ADARB2: variants seen among roughly 807,000 people sequenced by gnomAD.
ADARB2 encodes adenosine deaminase RNA specific B2 (inactive), also known as inactive double-stranded RNA-specific editase B2.
In ADARB2, 25 loss-of-function variants were observed where a neutral mutation model predicts 62.2. That is an observed-to-expected ratio of 0.40 (90% CI 0.29 to 0.56). The LOEUF is 0.56. Among genes scored for constraint, ADARB2 ranks in the 20% least tolerant of loss-of-function variants. ADARB2 has a pLI of 0.43. For missense variants in ADARB2, 1,071 were observed against 1,077.4 expected (o/e 0.99, Z 0.08); for synonymous variants, 572 against 500.8 (o/e 1.14, Z -1.90).
chr10:1,215,782 G>T (rs1837224589), intron 7 of ADARB2: 1 of 152,216 alleles, frequency 6.6e-6, no homozygotes, highest in Non-Finnish European at 1.5e-5. Flanking sequence ...AACTCATGCT[G>T]TCCCCACACC....
rs111429279 is a variant in ADARB2 at position 1,432,655 on chromosome 10, C to T, written c.101-53495G>A. ...TCCTTTGTCTGGGAACATAACCTTG[C>T]TGTCTGGCTGTGGTACAGATTGCCA... On this transcript the variant is annotated intron_variant, in intron 1 of 9. Transcript: ENST00000381312. 5.7e-3 allele frequency among the ~76,000 whole-genome samples: 866 copies of T among 151,756 alleles called. 7 individuals are homozygous for T. The highest frequency in any genetic ancestry group is 0.024 in the Middle Eastern group (7 of 294).
At chr10:1,329,878 G>C (rs1831912010) in intron 3 of ADARB2, among the ~76,000 whole-genome samples, 1 of 151,040 alleles carries the variant, frequency 6.6e-6, no homozygotes, top group Non-Finnish European at 1.5e-5. Context: ...CTCCGGACCA[G>C]GGGCTGTGAA....
At chr10:1,562,856 G>T (rs1268890276) in intron 1 of ADARB2, among the ~76,000 whole-genome samples, 1 of 152,248 alleles carries the variant, frequency 6.6e-6, no homozygotes, top group Non-Finnish European at 1.5e-5. Flanking sequence ...GGTGACAGTG[G>T]TGTCCCTCAT....
chr10:1,572,815 G>A (rs1040470213), intron 1 of ADARB2, among the ~76,000 whole-genome samples: 6 of 152,190 alleles, frequency 3.9e-5, no homozygotes, highest in Non-Finnish European at 5.9e-5. Flanking sequence ...CTTCCCCTGC[G>A]TGGACATTTG....
At chr10:1,492,062 A>G (rs1831629060) in intron 1 of ADARB2, among the ~76,000 whole-genome samples, 3 of 152,194 alleles carry the variant, frequency 2.0e-5, no homozygotes, top group Non-Finnish European at 4.4e-5. Flanking sequence ...CTCTTCATTG[A>G]GTTTCTGCTT....
intron 1 of ADARB2, among the ~76,000 whole-genome samples, chr10:1,690,220 T>C (rs1476615494): frequency 6.6e-6 from 1 of 152,250 alleles, no homozygotes; most frequent in Non-Finnish European, 1.5e-5. Flanking sequence ...TAGGAGCACA[T>C]GCTCAGCTGA....
At position 1,363,629 on chromosome 10, in the gene ADARB2, G is replaced by A; in HGVS notation, c.476C>T (p.Ala159Val). ...GAACGTGAGCCCGTTCACCTCCACC[G>A]CTACCGCGAAGACCGGGGCATGCAC... ...GPVHAPVFAV[A>V]VEVNGLTFEG... The change falls in exon 3 of 10, where the codon GCG becomes GTG. Residue 159 changes from alanine (A) to valine (V), a missense_variant. Ala to Val is a moderately conservative substitution (Grantham distance 64). Coordinates refer to ENST00000381312, the MANE Select transcript of ADARB2 (RefSeq NM_018702.4). 1 of 1,604,462 alleles carries A rather than the reference G, an allele frequency of 6.2e-7. No individual in the cohort carries two copies. The highest frequency in any genetic ancestry group is 8.5e-7 in the Non-Finnish European group (1 of 1,175,626).
chr10:1,551,666 C>T (rs1256525572), intron 1 of ADARB2, among the ~76,000 whole-genome samples: 2 of 152,200 alleles, frequency 1.3e-5, no homozygotes, highest in Non-Finnish European at 2.9e-5. Flanking sequence ...AGAAATGAAA[C>T]AAGAAAACAG....
In ADARB2 at chr10:1,664,638, C is replaced by T. The variant is rs117521507; in HGVS notation, c.100+72413G>A. On this transcript the variant is annotated intron_variant, in intron 1 of 9. Transcript: ENST00000381312. The stretch of plus-strand genomic sequence containing the variant: ...TGTTCATCATCTCATTTCATCATCT[C>T]GGTCGTCTGGTAGGAGTGCACTAGC... 4.4e-3 allele frequency among the ~76,000 whole-genome samples: 669 copies of T among 152,286 alleles called. 1 individual carries two copies. The highest frequency in any genetic ancestry group is 7.0e-3 in the Non-Finnish European group (475 of 68,028).
chr10:1,406,627 T>C (rs1339720548), intron 1 of ADARB2, among the ~76,000 whole-genome samples: 1 of 152,238 alleles, frequency 6.6e-6, no homozygotes, highest in Admixed American at 6.5e-5. Context: ...CTGTGTTGGC[T>C]AGGGATGTTC....
At chr10:1,437,304 G>A (rs1225764127) in intron 1 of ADARB2, among the ~76,000 whole-genome samples, 1 of 151,770 alleles carries the variant, frequency 6.6e-6, no homozygotes, top group East Asian at 1.9e-4. Flanking sequence ...CCATATGTGT[G>A]TGTGTGTATA....
chr10:1,471,007 C>T (rs12359832), intron 1 of ADARB2, among the ~76,000 whole-genome samples: 73,815 of 151,840 alleles, frequency 0.49, 18,162 homozygotes, highest in Admixed American at 0.57. Context: ...TGCAGTGAGC[C>T]AAGATGGCGC....
intron 1 of ADARB2, among the ~76,000 whole-genome samples, chr10:1,586,012 T>A (rs11250643): frequency 6.6e-6 from 1 of 152,024 alleles, no homozygotes; most frequent in Non-Finnish European, 1.5e-5. Context: ...CCAGCCTGGG[T>A]GACAGAGCGA....
chr10:1,503,629 C>T (rs1053295925), intron 1 of ADARB2, among the ~76,000 whole-genome samples: 1 of 152,114 alleles, frequency 6.6e-6, no homozygotes, highest in Non-Finnish European at 1.5e-5. Flanking sequence ...ATCCACATCT[C>T]ATGTTAAAAT....
At chr10:1,242,084 C>T in intron 5 of ADARB2, 47 bp downstream of exon 5, 1 of 1,535,536 alleles carries the variant, frequency 6.5e-7, no homozygotes, top group East Asian at 2.4e-5. Flanking sequence ...CTGGCAGCCC[C>T]CAGCCGCGGC....
intron 7 of ADARB2, among the ~76,000 whole-genome samples, chr10:1,202,083 A>G (rs956799132): frequency 6.7e-6 from 1 of 148,978 alleles, no homozygotes; most frequent in African/African-American, 2.4e-5. Flanking sequence ...TCAGGGAACA[A>G]TGGGAAGTGT....
At chr10:1,245,673 T>A (rs1830979446) in intron 4 of ADARB2, among the ~76,000 whole-genome samples, 1 of 152,182 alleles carries the variant, frequency 6.6e-6, no homozygotes, top group African/African-American at 2.4e-5. Context: ...GAACTCATCC[T>A]TTTTTATGGC....
intron 1 of ADARB2, among the ~76,000 whole-genome samples, chr10:1,662,590 TAAA>T (rs1311151332): frequency 6.6e-6 from 1 of 152,222 alleles, no homozygotes; most frequent in African/African-American, 2.4e-5. Flanking sequence ...CCACAGCTAT[TAAA>T]AACTAGAGCG....
In ADARB2 at chr10:1,486,210, C is replaced by CTGTGTGTGTG. The variant is rs61283089; in HGVS notation, c.101-107060_101-107051dup. On this transcript the variant is annotated intron_variant, in intron 1 of 9. Transcript: ENST00000381312. ...TGTGCATGTGTATGTGTGTGGACGCCTGTGTGTGTGTGTGTGTGTGTGTGT... is the reference window on the plus strand; with the variant it reads ...TGTGCATGTGTATGTGTGTGGACGCCTGTGTGTGTGTGTGTGTGTGTGTGTGTGTGTGTGT... Among the ~76,000 whole-genome samples, 951 of 142,940 alleles carry CTGTGTGTGTG rather than the reference C, an allele frequency of 6.7e-3. 9 individuals carry two copies. Among genetic ancestry groups the CTGTGTGTGTG allele is most frequent in the East Asian group, 0.028 (135 of 4,902 alleles). The allele number at this position is 142,940 out of a possible 152,430, so 93.8% of individuals were successfully genotyped here. A position where few individuals can be genotyped will look rare whatever the true frequency, so the allele number is the denominator to read the frequency against.
Sources: gnomAD v4.1 joint callset for allele counts (sites outside exome capture counted in the v4.1 genomes callset) on GRCh38, gnomAD v4.1.1 for gene constraint, MANE v1.5 for transcripts, NCBI Gene and HGNC (gene_info 2026-07-23, HGNC 2026-07-21) for gene names.